FMO5: variants seen among roughly 807,000 people sequenced by gnomAD.
The protein encoded by FMO5 is flavin containing dimethylaniline monoxygenase 5.
Under a neutral mutation model 43.6 loss-of-function variants are expected in FMO5, and 51 were observed. The observed-to-expected ratio is 1.17, with a 90% CI of 0.93 to 1.48. The LOEUF (loss-of-function observed/expected upper bound fraction) is 1.48, where lower values mean the gene tolerates loss of function less well. Among genes scored for constraint, FMO5 ranks in the 40% most tolerant of loss-of-function variants. The pLI is 0.00. For synonymous variants in FMO5, 187 were observed against 216.5 expected (o/e 0.86, Z 1.20); for missense variants, 644 against 643.0 (o/e 1.00, Z -0.02).
intron 7 of FMO5, 43 bp downstream of exon 7, chr1:147,201,109 A>ATATGTTTACC (rs782246165): frequency 1.9e-5 from 26 of 1,401,694 alleles, no homozygotes; most frequent in African/African-American, 2.9e-5. Context: ...AGAGGTAAAC[A>ATATGTTTACC]TATCACCAAG....
intron 7 of FMO5, among the ~76,000 whole-genome samples, chr1:147,191,514 C>A (rs1158485606): frequency 5.3e-5 from 8 of 149,786 alleles, no homozygotes; most frequent in Admixed American, 2.7e-4. Flanking sequence ...ATCCTTTGCC[C>A]ACTTTTTGAT....
intron 6 of FMO5, among the ~76,000 whole-genome samples, chr1:147,206,958 A>G (rs1274494043): frequency 2.0e-5 from 3 of 151,800 alleles, no homozygotes; most frequent in Non-Finnish European, 4.4e-5. Flanking sequence ...ATAAAAAGAG[A>G]GATTAAAGAG....
chr1:147,195,021 G>A lies in FMO5; in HGVS notation c.1184-4772C>T, dbSNP rs587718873. Among the ~76,000 whole-genome samples the A allele has an allele frequency of 7.5e-4, 114 of 151,674 alleles. 1 individual carries two copies. Among genetic ancestry groups the A allele is most frequent in the African/African-American group, 2.5e-3 (105 of 41,272 alleles). ...TCTTCTTGAGGAGTATCTTTGTGGC[G>A]TTCTCTGTATTTCCTGAATCTGAAT... is the stretch of plus-strand genomic sequence containing the variant. On this transcript the variant is annotated intron_variant, in intron 7 of 8. Coordinates refer to ENST00000254090, the MANE Select transcript of FMO5 (RefSeq NM_001461.4).
chr1:147,203,613 ACTT>A, intron 6 of FMO5: 2 of 1,209,548 alleles, frequency 1.7e-6, no homozygotes, highest in Non-Finnish European at 2.5e-6. Flanking sequence ...GCCTCAGCAA[ACTT>A]CTTAATAGCG....
intron 6 of FMO5, among the ~76,000 whole-genome samples, chr1:147,206,028 G>A (rs587745088): frequency 0.016 from 2,390 of 151,304 alleles, 68 homozygotes; most frequent in African/African-American, 0.054. Context: ...CTGACAAAGG[G>A]CTAATATCCA....
intron 3 of FMO5, chr1:147,214,646 T>C (rs1553924580): frequency 6.6e-6 from 1 of 152,100 alleles, no homozygotes; most frequent in African/African-American, 2.4e-5. Flanking sequence ...TTTATCTTCT[T>C]TAAGAAAACT....
intron 6 of FMO5, chr1:147,203,272 T>C: frequency 6.4e-7 from 1 of 1,557,872 alleles, no homozygotes; most frequent in Non-Finnish European, 8.8e-7. Context: ...ATTAAGCCAA[T>C]TTCAATCATT....
intron 2 of FMO5, among the ~76,000 whole-genome samples, chr1:147,216,333 C>A (rs1661990672): frequency 6.6e-6 from 1 of 152,126 alleles, no homozygotes; most frequent in South Asian, 2.1e-4. Flanking sequence ...AAATATATGG[C>A]CAGTCCCCAA....
intron 6 of FMO5, 45 bp downstream of exon 6, chr1:147,208,807 T>G: frequency 6.6e-7 from 1 of 1,520,880 alleles, no homozygotes; most frequent in Non-Finnish European, 9.1e-7. Flanking sequence ...GTCCTTATTC[T>G]TGTGCTTTGG....
At chr1:147,211,976 T>C (rs763214243) in intron 5 of FMO5, among the ~76,000 whole-genome samples, 1 of 152,260 alleles carries the variant, frequency 6.6e-6, no homozygotes, top group African/African-American at 2.4e-5. Context: ...AAGTTTCCAA[T>C]GATCACGCGT....
chr1:147,221,521 A>G (rs1359115201), intron 2 of FMO5, among the ~76,000 whole-genome samples: 1 of 152,182 alleles, frequency 6.6e-6, no homozygotes, highest in Non-Finnish European at 1.5e-5. Context: ...TGGAATTAAG[A>G]TGTTTGCTGT....
intron 7 of FMO5, among the ~76,000 whole-genome samples, chr1:147,196,620 T>C (rs971193952): frequency 1.3e-5 from 2 of 152,116 alleles, no homozygotes; most frequent in Non-Finnish European, 1.5e-5. Context: ...TTTAAAAAGA[T>C]GTATACATCT....
chr1:147,213,711 T>C (rs1467065102), intron 3 of FMO5, among the ~76,000 whole-genome samples: 1 of 152,184 alleles, frequency 6.6e-6, no homozygotes, highest in African/African-American at 2.4e-5. Context: ...TCTAGAAAAG[T>C]GCAAGTCACC....
intron 4 of FMO5, among the ~76,000 whole-genome samples, 166 bp from the exon 5 acceptor site, chr1:147,212,701 T>C (rs1413890464): frequency 2.0e-5 from 3 of 152,190 alleles, no homozygotes; most frequent in Non-Finnish European, 4.4e-5. Context: ...CTATTTTCTT[T>C]TCCCATAGCC....
chr1:147,224,761 C>T (rs28381172), intron 2 of FMO5, 134 bp downstream of exon 2: 7,791 of 758,706 alleles, frequency 0.01, 82 homozygotes, highest in Middle Eastern at 0.028. Context: ...CCGCCCGCCT[C>T]GGCCTCCCAA....
chr1:147,188,253 T>A (rs1444750138), intron 8 of FMO5, among the ~76,000 whole-genome samples: 1 of 152,170 alleles, frequency 6.6e-6, no homozygotes, highest in Non-Finnish European at 1.5e-5. Context: ...TTGGGCGTGG[T>A]GTTTCATGCC....
At chr1:147,191,785 T>C (rs187021255) in intron 7 of FMO5, among the ~76,000 whole-genome samples, 80 of 152,178 alleles carry the variant, frequency 5.3e-4, no homozygotes, top group African/African-American at 1.8e-3. Context: ...CCCCATTTCT[T>C]GTTTTTGTCA....
At chr1:147,204,023 T>A in intron 6 of FMO5, 1 of 1,192,570 alleles carries the variant, frequency 8.4e-7, no homozygotes, top group Non-Finnish European at 1.3e-6. Context: ...TTTGTTTGCA[T>A]AATGAAGAGC....
At chr1:147,221,858 G>A (rs782770626) in intron 2 of FMO5, among the ~76,000 whole-genome samples, 11 of 152,320 alleles carry the variant, frequency 7.2e-5, no homozygotes, top group Non-Finnish European at 1.3e-4. Flanking sequence ...CACCTGATTG[G>A]AACTTAGGTA....
Sources: gnomAD v4.1 joint callset for allele counts (sites outside exome capture counted in the v4.1 genomes callset) on GRCh38, gnomAD v4.1.1 for gene constraint, MANE v1.5 for transcripts, NCBI Gene and HGNC (gene_info 2026-07-23, HGNC 2026-07-21) for gene names.